The following DNAJC5 variants were observed in gnomAD, a reference collection of about 807,000 sequenced individuals.
DNAJC5 encodes the protein dnaJ homolog subfamily C member 5.
A neutral mutation model predicts 23.2 loss-of-function variants in DNAJC5; 1 was observed. The ratio of observed to expected loss-of-function variants is 0.04; its 90% CI spans 0.02 to 0.20. The LOEUF (loss-of-function observed/expected upper bound fraction) is 0.20, where lower values mean the gene tolerates loss of function less well. Ranked by LOEUF, DNAJC5 falls within the 10% of genes least tolerant of loss-of-function variation. The pLI, the probability that DNAJC5 is intolerant of heterozygous loss-of-function variation, is 1.00. For synonymous variants in DNAJC5, 136 were observed against 120.0 expected, an observed-to-expected ratio of 1.13 and a Z score of -0.87; for missense variants, 180 against 267.0, an observed-to-expected ratio of 0.67 and a Z score of 2.27.
intron 1 of DNAJC5, among the ~76,000 whole-genome samples, chr20:63,926,507 A>G (rs1466227584): frequency 6.6e-6 from 1 of 152,246 alleles, no homozygotes; most frequent in African/African-American, 2.4e-5. Context: ...CATTCTGCAG[A>G]GGAACGTTGC....
chr20:63,917,552 CTTA>C (rs1288358069), intron 1 of DNAJC5, among the ~76,000 whole-genome samples: 1 of 148,040 alleles, frequency 6.8e-6, no homozygotes, highest in Non-Finnish European at 1.5e-5. Context: ...TGCATCCAGC[CTTA>C]TTATTATTAT....
At chr20:63,926,234 TC>T (rs1863223060) in intron 1 of DNAJC5, among the ~76,000 whole-genome samples, 1 of 152,240 alleles carries the variant, frequency 6.6e-6, no homozygotes, top group Non-Finnish European at 1.5e-5. Flanking sequence ...AAGATATTTG[TC>T]CATTTCATCT....
intron 1 of DNAJC5, among the ~76,000 whole-genome samples, chr20:63,916,451 G>A (rs1040659616): frequency 6.6e-6 from 1 of 152,186 alleles, no homozygotes; most frequent in African/African-American, 2.4e-5. Flanking sequence ...AGAAGGGGAG[G>A]GGGTGCAAGA....
intron 1 of DNAJC5, among the ~76,000 whole-genome samples, chr20:63,912,410 A>G (rs2053488136): frequency 6.6e-6 from 1 of 151,690 alleles, no homozygotes; most frequent in Non-Finnish European, 1.5e-5. Flanking sequence ...CTTCAAATGT[A>G]TTTACAGAGT....
At chr20:63,921,162 T>C (rs6062333) in intron 1 of DNAJC5, among the ~76,000 whole-genome samples, 8,316 of 152,148 alleles carry the variant, frequency 0.055, 439 homozygotes, top group East Asian at 0.23. Flanking sequence ...TTTCTCCATG[T>C]TGGTCAGGCT....
At chr20:63,925,104 G>A (rs1278083851) in intron 1 of DNAJC5, among the ~76,000 whole-genome samples, 1 of 152,192 alleles carries the variant, frequency 6.6e-6, no homozygotes, top group Non-Finnish European at 1.5e-5. Flanking sequence ...GGCTTTTTAT[G>A]GACTCAGGAT....
At chr20:63,919,330 T>G (rs2053543137) in intron 1 of DNAJC5, 4 of 503,020 alleles carry the variant, frequency 8.0e-6, no homozygotes, top group Non-Finnish European at 1.6e-5. Context: ...TCGTAACTGT[T>G]GAGCAAATGA....
chr20:63,909,784 G>C (rs1463675119), intron 1 of DNAJC5, among the ~76,000 whole-genome samples: 1 of 152,258 alleles, frequency 6.6e-6, no homozygotes, highest in Non-Finnish European at 1.5e-5. Context: ...AGTATGTCCA[G>C]ACTCATCTGG....
rs943897489 is a variant in DNAJC5, at chr20:63,920,866, A to AG, written c.-11-7467dup. Among the ~76,000 whole-genome samples the AG allele has an allele frequency of 1.3e-5, 2 of 151,900 alleles. No homozygotes were observed. Among genetic ancestry groups the AG allele is most frequent in the African/African-American group, 4.8e-5 (2 of 41,348 alleles). Reference sequence around the variant, plus strand: ...TTAATTTTGTATTTTTAGTAGAGACAGGTTTTCTCCATGTTGGTCAGGCTG... The same window carrying AG: ...TTAATTTTGTATTTTTAGTAGAGACAGGGTTTTCTCCATGTTGGTCAGGCTG... On this transcript the variant is annotated intron_variant, in intron 1 of 4. Coordinates refer to ENST00000360864, the MANE Select transcript of DNAJC5 (RefSeq NM_025219.3). The surrounding 1 kb of genome is among the most constrained non-coding windows in gnomAD (Gnocchi z 4.6).
intron 1 of DNAJC5, among the ~76,000 whole-genome samples, chr20:63,897,058 A>C (rs536202813): frequency 2.0e-5 from 3 of 152,296 alleles, no homozygotes; most frequent in Admixed American, 6.5e-5. Flanking sequence ...ATCTTTTCGC[A>C]ACTTTGAATC....
In DNAJC5 at chr20:63,932,668, C is replaced by T. The variant is rs1380011675; in HGVS notation, c.*1100C>T. ...CCCGTCATCGATGATTCAGGCAGAG[C>T]CAGATTCGTTAGGTCCCTGGAGGAA... On this transcript the variant is annotated 3_prime_UTR_variant, in exon 5 of 5. Coordinates refer to ENST00000360864, the MANE Select transcript of DNAJC5 (RefSeq NM_025219.3). The surrounding 1 kb of genome is among the most constrained non-coding windows in gnomAD (Gnocchi z 4.4). The T allele has an allele frequency of 6.6e-6, 1 of 152,442 alleles. No individual in the cohort carries two copies. The highest frequency in any genetic ancestry group is 2.4e-5 in the African/African-American group (1 of 41,450). 9.4% of individuals were successfully genotyped at this position (152,442 alleles called of 1,614,324 possible).
chr20:63,924,055 C>T (rs946652251), intron 1 of DNAJC5, among the ~76,000 whole-genome samples: 2 of 152,152 alleles, frequency 1.3e-5, no homozygotes, highest in East Asian at 3.8e-4. Context: ...GTCTTTTCCT[C>T]AGTACCAGAT....
intron 1 of DNAJC5, among the ~76,000 whole-genome samples, chr20:63,903,617 T>G (rs1380741053): frequency 6.6e-6 from 1 of 151,658 alleles, no homozygotes; most frequent in Admixed American, 6.6e-5. Flanking sequence ...CATCTCAAAC[T>G]TTTAATAAGG....
chr20:63,918,433 G>A (rs1159091141), intron 1 of DNAJC5, among the ~76,000 whole-genome samples: 3 of 152,260 alleles, frequency 2.0e-5, no homozygotes, highest in African/African-American at 2.4e-5. Flanking sequence ...ACTAATTAGC[G>A]TTTAGGGATA....
chr20:63,911,125 C>T (rs746943754), intron 1 of DNAJC5, among the ~76,000 whole-genome samples: 1 of 152,148 alleles, frequency 6.6e-6, no homozygotes, highest in Non-Finnish European at 1.5e-5. Context: ...AAAATTAATG[C>T]AGCAAACATT....
intron 1 of DNAJC5, among the ~76,000 whole-genome samples, chr20:63,906,062 T>C (rs1173289874): frequency 1.3e-5 from 2 of 152,100 alleles, no homozygotes; most frequent in Non-Finnish European, 2.9e-5. Context: ...AGGAAAATAC[T>C]TTTTACATCT....
rs938447027 is a variant in DNAJC5 at position 63,928,701 on chromosome 20, T to C, written c.107+249T>C. 1.3e-5 allele frequency among the ~76,000 whole-genome samples: 2 copies of C among 152,186 alleles called. No individual in the cohort carries two copies. Among genetic ancestry groups the C allele is most frequent in the African/African-American group, 4.8e-5 (2 of 41,450 alleles). On this transcript the variant is annotated intron_variant, in intron 2 of 4. Coordinates refer to ENST00000360864, the MANE Select transcript of DNAJC5 (RefSeq NM_025219.3). The surrounding 1 kb of genome is among the most constrained non-coding windows in gnomAD (Gnocchi z 4.6). ...AACTGACACACTGTCCACAGTTCCA[T>C]AGGGAGTCAGGGTCTGAACCTGTTT...
chr20:63,897,606 G>A (rs2146267053), intron 1 of DNAJC5, among the ~76,000 whole-genome samples: 1 of 152,178 alleles, frequency 6.6e-6, no homozygotes, highest in African/African-American at 2.4e-5. Context: ...ATCTGCCAGT[G>A]GTAATAATGC....
intron 1 of DNAJC5, among the ~76,000 whole-genome samples, chr20:63,903,236 C>G (rs1218056665): frequency 1.3e-5 from 2 of 152,114 alleles, no homozygotes; most frequent in African/African-American, 2.4e-5. Flanking sequence ...GTGGTGCATG[C>G]CTACAGTCTC....
Sources: gnomAD v4.1 joint callset for allele counts (sites outside exome capture counted in the v4.1 genomes callset) on GRCh38, gnomAD v4.1.1 for gene constraint, Gnocchi (gnomAD v3.1) non-coding constraint, MANE v1.5 for transcripts, NCBI Gene and HGNC (gene_info 2026-07-23, HGNC 2026-07-21) for gene names.